The following TRPM3 variants were observed in gnomAD, a reference collection of about 807,000 sequenced individuals.
The protein encoded by TRPM3 is long transient receptor potential channel 3.
In TRPM3, 77 loss-of-function variants were observed where a neutral mutation model predicts 181.2. That is an observed-to-expected ratio of 0.42 (90% CI 0.35 to 0.51). The LOEUF is 0.51. Ranked by LOEUF, TRPM3 falls within the 20% of genes least tolerant of loss-of-function variation. The pLI, the probability that TRPM3 is intolerant of heterozygous loss-of-function variation, is 0.01. For missense variants in TRPM3, 1,759 were observed against 2,196.7 expected (o/e 0.80, Z 3.98); for synonymous variants, 745 against 796.4 (o/e 0.94, Z 1.09).
Position 70,654,751 on chromosome 9 carries a change from T to C in TRPM3, c.1346-14091A>G, listed in dbSNP as rs547708298. 6.6e-5 allele frequency among the ~76,000 whole-genome samples: 10 copies of C among 151,240 alleles called. 1 individual carries two copies. The South Asian group carries it at 1.9e-3, about 29-fold the overall frequency. ...AGGCTGGAGTGCAGTGGCGCGATCT[T>C]GGCTCACTGCAAGCTCCGCTTCCTG... On this transcript the variant is annotated intron_variant, in intron 9 of 25. Transcript: ENST00000677713.
At chr9:71,134,617 C>T (rs2074652962) in intron 1 of TRPM3, among the ~76,000 whole-genome samples, 1 of 151,256 alleles carries the variant, frequency 6.6e-6, no homozygotes, top group Non-Finnish European at 1.5e-5. Context: ...TTAAAGAATC[C>T]AAATGCCTTC....
At chr9:70,933,897 G>A (rs2096798939) in intron 1 of TRPM3, among the ~76,000 whole-genome samples, 1 of 152,004 alleles carries the variant, frequency 6.6e-6, no homozygotes, top group Non-Finnish European at 1.5e-5. Flanking sequence ...TTTGATAGGA[G>A]GAAGGGAGCT....
intron 1 of TRPM3, among the ~76,000 whole-genome samples, chr9:71,295,544 A>C (rs1243140277): frequency 1.4e-5 from 2 of 147,464 alleles, no homozygotes; most frequent in East Asian, 3.9e-4. Flanking sequence ...TGAAATTTAA[A>C]TGCTGCCAGG....
chr9:71,277,044 C>T (rs7043726), intron 1 of TRPM3, among the ~76,000 whole-genome samples: 37,705 of 152,046 alleles, frequency 0.25, 5,546 homozygotes, highest in African/African-American at 0.39. Flanking sequence ...AATCAAGCTA[C>T]GTAAGAATTC....
intron 11 of TRPM3, among the ~76,000 whole-genome samples, chr9:70,637,307 G>C (rs1002014497): frequency 6.6e-6 from 1 of 152,116 alleles, no homozygotes; most frequent in African/African-American, 2.4e-5. Flanking sequence ...ATTAAAAATG[G>C]TGCTTAATGC....
chr9:71,344,834 A>G lies in TRPM3; in HGVS notation c.183+101819T>C, dbSNP rs138727320. Among the ~76,000 whole-genome samples the G allele has an allele frequency of 9.6e-4, 146 of 152,328 alleles. 1 individual carries two copies. Among genetic ancestry groups the G allele is most frequent in the South Asian group, 5.8e-3 (28 of 4,828 alleles). ...AAAAAATGTTCACAATATATCTGAC[A>G]AATGACTTATAAACAATATATAAGG... On this transcript the variant is annotated intron_variant, in intron 1 of 24. Coordinates refer to the TRPM3 transcript ENST00000357533.
chr9:71,020,794 A>C (rs1435145459), intron 1 of TRPM3, among the ~76,000 whole-genome samples: 1 of 152,170 alleles, frequency 6.6e-6, no homozygotes, highest in African/African-American at 2.4e-5. Context: ...GAACAGGAAA[A>C]CTTAGGAATA....
intron 1 of TRPM3, among the ~76,000 whole-genome samples, chr9:71,375,056 G>A (rs954168314): frequency 2.6e-5 from 4 of 152,028 alleles, no homozygotes; most frequent in African/African-American, 9.7e-5. Flanking sequence ...CCATTAAACT[G>A]CCAGTCACAT....
chr9:70,592,035 C>T (rs1414962143), intron 21 of TRPM3, among the ~76,000 whole-genome samples: 2 of 152,156 alleles, frequency 1.3e-5, no homozygotes, highest in African/African-American at 4.8e-5. Flanking sequence ...GTTCCTCATT[C>T]TTCCTTCTTT....
chr9:71,003,672 G>A (rs1169740512), intron 1 of TRPM3, among the ~76,000 whole-genome samples: 2 of 152,016 alleles, frequency 1.3e-5, no homozygotes, highest in African/African-American at 4.8e-5. Context: ...TGATTTATGC[G>A]ATGCTTATGA....
At chr9:71,260,118 C>A (rs905548906) in intron 1 of TRPM3, among the ~76,000 whole-genome samples, 1 of 152,116 alleles carries the variant, frequency 6.6e-6, no homozygotes, top group South Asian at 2.1e-4. Context: ...GTTTTCCCAA[C>A]TCCATTTATT....
intron 1 of TRPM3, among the ~76,000 whole-genome samples, chr9:71,354,168 T>C (rs1398254907): frequency 6.6e-6 from 1 of 152,172 alleles, no homozygotes; most frequent in Non-Finnish European, 1.5e-5. Context: ...GTCTAACCAC[T>C]GTCAACCCTC....
intron 22 of TRPM3, among the ~76,000 whole-genome samples, chr9:70,556,966 TGATA>T (rs1431586060): frequency 6.6e-6 from 1 of 152,254 alleles, no homozygotes; most frequent in African/African-American, 2.4e-5. Flanking sequence ...TTTCTGTAAT[TGATA>T]GACTTTGAGC....
intron 1 of TRPM3, among the ~76,000 whole-genome samples, chr9:71,210,393 A>G (rs2079415465): frequency 6.6e-6 from 1 of 152,196 alleles, no homozygotes; most frequent in Non-Finnish European, 1.5e-5. Context: ...AAAGTACACC[A>G]TAAATGTAAT....
intron 1 of TRPM3, among the ~76,000 whole-genome samples, chr9:71,352,803 A>G (rs2091714058): frequency 6.6e-6 from 1 of 151,972 alleles, no homozygotes; most frequent in Admixed American, 6.6e-5. Flanking sequence ...CACCACCAAA[A>G]CCAAAGTCTA....
chr9:71,116,569 A>G (rs61156901), intron 1 of TRPM3, among the ~76,000 whole-genome samples: 5,130 of 152,276 alleles, frequency 0.034, 300 homozygotes, highest in African/African-American at 0.12. Context: ...ATATGGAATT[A>G]TAGAAGTGTA....
intron 1 of TRPM3, among the ~76,000 whole-genome samples, chr9:71,223,815 A>T (rs537568416): frequency 1.3e-5 from 2 of 152,256 alleles, no homozygotes; most frequent in East Asian, 1.9e-4. Flanking sequence ...TAGAAAGGAG[A>T]AGAAAGAATG....
At chr9:71,272,813 TAAG>T (rs1371840387) in intron 1 of TRPM3, among the ~76,000 whole-genome samples, 1 of 151,834 alleles carries the variant, frequency 6.6e-6, no homozygotes, top group Non-Finnish European at 1.5e-5. Context: ...GTAAGGCAAA[TAAG>T]AAGCCAGGAT....
intron 6 of TRPM3, among the ~76,000 whole-genome samples, chr9:70,799,314 C>T (rs2088198100): frequency 6.6e-6 from 1 of 152,054 alleles, no homozygotes; most frequent in African/African-American, 2.4e-5. Context: ...ATAGATGAGA[C>T]AAAGGAAAGG....
Sources: gnomAD v4.1 joint callset for allele counts (sites outside exome capture counted in the v4.1 genomes callset) on GRCh38, gnomAD v4.1.1 for gene constraint, MANE v1.5 for transcripts, NCBI Gene and HGNC (gene_info 2026-07-23, HGNC 2026-07-21) for gene names.